Variants in GNG12 observed in about 807,000 individuals in gnomAD.
GNG12 encodes guanine nucleotide-binding protein G(I)/G(S)/G(O) subunit gamma-12.
For missense variants in GNG12, 69 were observed against 83.8 expected, an observed-to-expected ratio of 0.82 and a Z score of 0.69; for synonymous variants, 28 against 29.7, an observed-to-expected ratio of 0.94 and a Z score of 0.19.
intron 2 of GNG12, among the ~76,000 whole-genome samples, chr1:67,758,783 G>A (rs908798781): frequency 2.0e-5 from 3 of 152,152 alleles, no homozygotes; most frequent in South Asian, 4.1e-4. Context: ...TGCTCCAATG[G>A]AGGAATACCT....
At chr1:67,820,068 C>A (rs1646976312) in intron 1 of GNG12, among the ~76,000 whole-genome samples, 1 of 141,636 alleles carries the variant, frequency 7.1e-6, no homozygotes, top group Admixed American at 7.6e-5. Context: ...AGTAGACAAT[C>A]AATAAACATT....
Position 67,783,409 on chromosome 1 carries a change from T to C in GNG12, c.-76-5902A>G, listed in dbSNP as rs1029036216. On this transcript the variant is annotated intron_variant, in intron 1 of 3. Coordinates refer to ENST00000370982, the MANE Select transcript of GNG12 (RefSeq NM_018841.6). ...GCTTTTAAAAGGGTTTTTATTAGCA[T>C]ACAATAATATCACCAGCAAAATAAT... Among the ~76,000 whole-genome samples, 4 of 152,130 alleles carry C rather than the reference T, an allele frequency of 2.6e-5. No individual in the cohort carries two copies. The East Asian group carries it at 5.8e-4, about 22-fold the overall frequency.
chr1:67,708,335 C>T (rs142018094), intron 2 of GNG12, among the ~76,000 whole-genome samples: 10 of 152,220 alleles, frequency 6.6e-5, no homozygotes, highest in East Asian at 1.9e-4. Flanking sequence ...GGAGACTCTC[C>T]GTGATAGATC....
chr1:67,704,597 T>C lies in GNG12; in HGVS notation c.*854A>G, dbSNP rs1251018344. ...CCTATCCCTAATCCAGTAGAGAACA[T>C]GAGCCCTGGGAGCACAGCTGCCTGG... On this transcript the variant is annotated 3_prime_UTR_variant, in exon 4 of 4. Coordinates refer to ENST00000370982, the MANE Select transcript of GNG12 (RefSeq NM_018841.6). 2 of 152,642 alleles carry C rather than the reference T, an allele frequency of 1.3e-5. No individual in the cohort carries two copies. The highest frequency in any genetic ancestry group is 2.4e-5 in the African/African-American group (1 of 41,432). The allele number at this position is 152,642 out of a possible 1,614,324, so 9.5% of individuals were successfully genotyped here. A position where few individuals can be genotyped will look rare whatever the true frequency, so the allele number is the denominator to read the frequency against.
At chr1:67,823,031 C>G (rs572558128) in intron 1 of GNG12, among the ~76,000 whole-genome samples, 23 of 152,304 alleles carry the variant, frequency 1.5e-4, no homozygotes, top group Non-Finnish European at 2.9e-4. Flanking sequence ...CTTTTACTTT[C>G]ATCTTCTCTT....
At position 67,709,811 on chromosome 1, in the gene GNG12, G is replaced by GAT. The variant is rs560758532; in HGVS notation, c.-26-2101_-26-2100dup. 4.3e-3 allele frequency among the ~76,000 whole-genome samples: 520 copies of GAT among 121,168 alleles called. 4 individuals carry two copies. The highest frequency in any genetic ancestry group is 0.013 in the African/African-American group (399 of 30,610). The allele number at this position is 121,168 out of a possible 152,430, so 79.5% of individuals were successfully genotyped here. On this transcript the variant is annotated intron_variant, in intron 2 of 3. Transcript: ENST00000370982. ...GTGCTCTGACTCACAGCAAGTTGCA[G>GAT]ATATATATATATATAAATATATATA...
At chr1:67,729,602 G>A (rs1049323417) in intron 2 of GNG12, among the ~76,000 whole-genome samples, 2 of 152,146 alleles carry the variant, frequency 1.3e-5, no homozygotes, top group Admixed American at 6.5e-5. Context: ...GATGGCAATG[G>A]CCTTGGTTTT....
intron 1 of GNG12, among the ~76,000 whole-genome samples, chr1:67,781,204 C>A (rs887708959): frequency 6.6e-6 from 1 of 152,188 alleles, no homozygotes; most frequent in Non-Finnish European, 1.5e-5. Flanking sequence ...CCATAACATC[C>A]ACCCTTTATA....
chr1:67,761,765 T>C (rs750567580), intron 2 of GNG12, among the ~76,000 whole-genome samples: 2 of 152,092 alleles, frequency 1.3e-5, no homozygotes, highest in East Asian at 3.8e-4. Flanking sequence ...CCTGAGGGTA[T>C]GTGCACACCA....
At chr1:67,796,547 A>G (rs1311072647) in intron 1 of GNG12, among the ~76,000 whole-genome samples, 1 of 152,214 alleles carries the variant, frequency 6.6e-6, no homozygotes, top group Non-Finnish European at 1.5e-5. Flanking sequence ...TATGACCTCA[A>G]TACAGAGTGT....
intron 2 of GNG12, among the ~76,000 whole-genome samples, chr1:67,711,303 T>C (rs1468403488): frequency 1.3e-5 from 2 of 152,148 alleles, no homozygotes; most frequent in African/African-American, 4.8e-5. Flanking sequence ...TAACCTGACA[T>C]ATAAACAGGT....
chr1:67,807,123 A>G (rs1029297916), intron 1 of GNG12, among the ~76,000 whole-genome samples: 14 of 152,352 alleles, frequency 9.2e-5, no homozygotes, highest in African/African-American at 2.4e-4. Context: ...CTAGAATTCA[A>G]TAACAGAAAG....
At chr1:67,727,627 T>A (rs1253542607) in intron 2 of GNG12, among the ~76,000 whole-genome samples, 1 of 152,214 alleles carries the variant, frequency 6.6e-6, no homozygotes, top group Non-Finnish European at 1.5e-5. Flanking sequence ...AACATACCTA[T>A]GTGTCCCATG....
At chr1:67,823,479 G>A (rs1646994876) in intron 1 of GNG12, among the ~76,000 whole-genome samples, 1 of 152,206 alleles carries the variant, frequency 6.6e-6, no homozygotes, top group Admixed American at 6.5e-5. Flanking sequence ...TTGTAAGTCT[G>A]TATTTAGGAG....
intron 1 of GNG12, among the ~76,000 whole-genome samples, chr1:67,824,308 G>A (rs1002464423): frequency 2.0e-5 from 3 of 151,922 alleles, no homozygotes; most frequent in South Asian, 2.1e-4. Flanking sequence ...CTAGGAGTTC[G>A]AGACCAGCCT....
At chr1:67,789,271 A>G (rs1351192417) in intron 1 of GNG12, among the ~76,000 whole-genome samples, 1 of 152,212 alleles carries the variant, frequency 6.6e-6, no homozygotes, top group Non-Finnish European at 1.5e-5. Flanking sequence ...GAATCCTGAC[A>G]TAGGAATGGA....
In GNG12 at chr1:67,833,449, G is replaced by A. The variant is rs999548529; in HGVS notation, c.-182C>T. 5.1e-6 allele frequency: 5 copies of A among 985,186 alleles called. No individual in the cohort carries two copies. The African/African-American group carries it at 8.8e-5, about 17-fold the overall frequency. 61.0% of individuals were successfully genotyped at this position (985,186 alleles called of 1,614,324 possible). On this transcript the variant is annotated 5_prime_UTR_variant, in exon 1 of 4. Transcript: ENST00000370982. Reference sequence around the variant, plus strand: ...CCTCCTCCTCCTCTTGCTCCTCCGGGCGCCGGCTCCGCCTCGCTGGGGTGG... The same window carrying A: ...CCTCCTCCTCCTCTTGCTCCTCCGGACGCCGGCTCCGCCTCGCTGGGGTGG...
chr1:67,812,406 C>A (rs1646931301), intron 1 of GNG12, among the ~76,000 whole-genome samples: 1 of 152,152 alleles, frequency 6.6e-6, no homozygotes, highest in Non-Finnish European at 1.5e-5. Flanking sequence ...GAGGTATGGG[C>A]AGACTATGTG....
intron 3 of GNG12, among the ~76,000 whole-genome samples, chr1:67,706,118 T>C (rs986492164): frequency 1.3e-5 from 2 of 152,214 alleles, no homozygotes; most frequent in African/African-American, 4.8e-5. Context: ...TGTGGTCAAA[T>C]GTTAAAAACT....
Sources: allele counts gnomAD v4.1 joint callset (sites outside exome capture counted in the v4.1 genomes callset), GRCh38; gene constraint gnomAD v4.1.1; transcripts MANE v1.5; gene names NCBI Gene and HGNC (gene_info 2026-07-23, HGNC 2026-07-21).